ZNF704: variants seen among roughly 807,000 people sequenced by gnomAD.
ZNF704 encodes the protein glucocorticoid induced gene 1.
In ZNF704, 10 loss-of-function variants were observed where a neutral mutation model predicts 44.7. The observed-to-expected ratio is 0.22, with a 90% CI of 0.14 to 0.38. The LOEUF is 0.38. Ranked by LOEUF, ZNF704 falls within the 10% of genes least tolerant of loss-of-function variation. The pLI is 1.00. For synonymous variants in ZNF704, 211 were observed against 207.6 expected, an observed-to-expected ratio of 1.02 and a Z score of -0.14; for missense variants, 390 against 545.5, an observed-to-expected ratio of 0.71 and a Z score of 2.84.
intron 5 of ZNF704, among the ~76,000 whole-genome samples, chr8:80,668,847 T>C (rs186475593): frequency 1.1e-4 from 17 of 152,230 alleles, no homozygotes; most frequent in Admixed American, 1.0e-3. Context: ...TAAAGGCAAA[T>C]GTATGTTCCC....
intron 1 of ZNF704, among the ~76,000 whole-genome samples, chr8:80,841,546 T>A (rs1277164798): frequency 1.3e-5 from 2 of 152,232 alleles, no homozygotes; most frequent in Non-Finnish European, 2.9e-5. Context: ...CTTGTAAGAA[T>A]CCACGTGTTA....
the ZNF704 span, among the ~76,000 whole-genome samples, chr8:80,883,169 G>A: frequency 6.9e-6 from 1 of 145,348 alleles, no homozygotes; most frequent in Admixed American, 7.1e-5. Flanking sequence ...AATTGCTTTA[G>A]CCTGGGAGAC....
intron 1 of ZNF704, among the ~76,000 whole-genome samples, chr8:80,838,990 C>T (rs2129956381): frequency 6.6e-6 from 1 of 152,306 alleles, no homozygotes; most frequent in Non-Finnish European, 1.5e-5. Flanking sequence ...CCACAGAGCT[C>T]CAGGCTGAGT....
intron 2 of ZNF704, among the ~76,000 whole-genome samples, chr8:80,706,597 T>G (rs1818902891): frequency 6.6e-6 from 1 of 152,256 alleles, no homozygotes. Context: ...AGAGAGCAGC[T>G]GTGGAGCCAT....
intron 2 of ZNF704, among the ~76,000 whole-genome samples, chr8:80,797,453 C>T (rs572309816): frequency 6.6e-6 from 1 of 152,302 alleles, no homozygotes; most frequent in Non-Finnish European, 1.5e-5. Flanking sequence ...GCTGCTGTGC[C>T]TCCATATCTC....
chr8:80,804,510 T>C (rs1224753221), intron 2 of ZNF704, among the ~76,000 whole-genome samples: 1 of 152,178 alleles, frequency 6.6e-6, no homozygotes, highest in Non-Finnish European at 1.5e-5. Context: ...ATGAATGAGA[T>C]TATGTCCTTT....
At chr8:80,771,954 T>G (rs1397990241) in intron 2 of ZNF704, among the ~76,000 whole-genome samples, 1 of 152,204 alleles carries the variant, frequency 6.6e-6, no homozygotes, top group African/African-American at 2.4e-5. Context: ...TGATGTTTCT[T>G]CTTTAGCCTA....
intron 6 of ZNF704, among the ~76,000 whole-genome samples, chr8:80,664,430 C>G (rs1275103969): frequency 9.2e-5 from 14 of 152,074 alleles, no homozygotes; most frequent in Non-Finnish European, 1.5e-5. Context: ...TGCCACCACA[C>G]CCAGCTAATT....
chr8:80,873,174 C>A (rs1361122518), intron 1 of ZNF704, among the ~76,000 whole-genome samples: 1 of 152,182 alleles, frequency 6.6e-6, no homozygotes, highest in African/African-American at 2.4e-5. Context: ...TAAAATCTCA[C>A]TCTCCCCTGC....
chr8:80,656,317 G>A (rs1056839772), intron 7 of ZNF704, among the ~76,000 whole-genome samples: 3 of 152,210 alleles, frequency 2.0e-5, no homozygotes, highest in Non-Finnish European at 4.4e-5. Flanking sequence ...CTAGAACTGT[G>A]AGAAAATAAA....
In ZNF704 at chr8:80,762,076, T is replaced by C. The variant is rs565096542; in HGVS notation, c.221+59298A>G. ...CGCACAATGCTTATACCCAATGTTGTGATAATGCACTTTTGTGAAGTCAAA... is the reference window on the plus strand; with the variant it reads ...CGCACAATGCTTATACCCAATGTTGCGATAATGCACTTTTGTGAAGTCAAA... On this transcript the variant is annotated intron_variant, in intron 2 of 8. Coordinates refer to ENST00000327835, the MANE Select transcript of ZNF704 (RefSeq NM_001033723.3). Among the ~76,000 whole-genome samples, 7 of 152,302 alleles carry C rather than the reference T, an allele frequency of 4.6e-5. No homozygotes were observed. In the South Asian group the frequency reaches 1.0e-3, roughly 23 times the overall value.
At chr8:80,691,675 C>T (rs1029180275) in intron 3 of ZNF704, among the ~76,000 whole-genome samples, 5 of 152,180 alleles carry the variant, frequency 3.3e-5, no homozygotes, top group Non-Finnish European at 7.3e-5. Context: ...ATGTTGCCTT[C>T]TAATTCTGTA....
intron 5 of ZNF704, among the ~76,000 whole-genome samples, chr8:80,669,048 C>T (rs1818238808): frequency 6.6e-6 from 1 of 152,090 alleles, no homozygotes; most frequent in Non-Finnish European, 1.5e-5. Flanking sequence ...TGTTAGATTC[C>T]ACCCACTGTG....
Position 80,635,832 on chromosome 8 carries a change from C to T in ZNF704, c.*5534G>A, listed in dbSNP as rs895038003. The T allele has an allele frequency of 7.2e-5, 11 of 152,122 alleles. No homozygotes were observed. Among genetic ancestry groups the T allele is most frequent in the African/African-American group, 2.7e-4 (11 of 41,430 alleles). 9.4% of individuals were successfully genotyped at this position (152,122 alleles called of 1,614,324 possible). A position where few individuals can be genotyped will look rare whatever the true frequency, so the allele number is the denominator to read the frequency against. ...CTTGATTCTCCTATAATACCCATTC[C>T]ATCTGATCTGTATTTCTACCCTTGC... is the stretch of plus-strand genomic sequence containing the variant. On this transcript the variant is annotated 3_prime_UTR_variant, in exon 9 of 9. Coordinates refer to ENST00000327835, the MANE Select transcript of ZNF704 (RefSeq NM_001033723.3).
In ZNF704 at chr8:80,856,598, C is replaced by T. The variant is rs1808965902; in HGVS notation, c.-22+17973G>A. Reference sequence around the variant, plus strand: ...TGTTTGTTTTTTGTTTTTCTTCCTTCCAGATGAATAGTCTTTCCAGGACTG... The same window carrying T: ...TGTTTGTTTTTTGTTTTTCTTCCTTTCAGATGAATAGTCTTTCCAGGACTG... On this transcript the variant is annotated intron_variant, in intron 1 of 8. Transcript: ENST00000327835. 3.3e-5 allele frequency among the ~76,000 whole-genome samples: 5 copies of T among 151,986 alleles called. No homozygotes were observed. In the South Asian group the frequency reaches 1.0e-3, roughly 32 times the overall value.
At chr8:80,820,323 T>C (rs938836046) in intron 2 of ZNF704, among the ~76,000 whole-genome samples, 1 of 152,242 alleles carries the variant, frequency 6.6e-6, no homozygotes, top group Admixed American at 6.5e-5. Context: ...GCCACTGTCA[T>C]TCTGCCAGAA....
intron 7 of ZNF704, among the ~76,000 whole-genome samples, chr8:80,653,924 A>G: frequency 6.6e-6 from 1 of 152,192 alleles, no homozygotes; most frequent in Non-Finnish European, 1.5e-5. Context: ...GCATCACGCT[A>G]CCTGACTTCA....
At chr8:80,686,773 T>C (rs1818544866) in intron 4 of ZNF704, among the ~76,000 whole-genome samples, 1 of 152,192 alleles carries the variant, frequency 6.6e-6, no homozygotes, top group African/African-American at 2.4e-5. Flanking sequence ...CTTTTATGTA[T>C]ATTTCACAGA....
chr8:80,808,053 C>CT (rs1808019769), intron 2 of ZNF704, among the ~76,000 whole-genome samples: 2 of 152,180 alleles, frequency 1.3e-5, no homozygotes. Flanking sequence ...AGGCTAGTTC[C>CT]TGTGTGTCAG....
Sources: allele counts gnomAD v4.1 joint callset (sites outside exome capture counted in the v4.1 genomes callset), GRCh38; gene constraint gnomAD v4.1.1; transcripts MANE v1.5; gene names NCBI Gene and HGNC (gene_info 2026-07-23, HGNC 2026-07-21).